The following MXRA7 variants were observed in gnomAD, a reference collection of about 807,000 sequenced individuals.
The protein encoded by MXRA7 is matrix-remodeling-associated protein 7.
A neutral mutation model predicts 17.4 loss-of-function variants in MXRA7; 18 were observed. The ratio of observed to expected loss-of-function variants is 1.03; its 90% confidence interval spans 0.71 to 1.53. MXRA7 has a LOEUF of 1.53. MXRA7 is among the 40% of genes most tolerant of loss of function. The pLI is 0.00. For synonymous variants in MXRA7, 70 were observed against 101.7 expected, an observed-to-expected ratio of 0.69 and a Z score of 1.87; for missense variants, 141 against 209.3, an observed-to-expected ratio of 0.67 and a Z score of 2.01.
At chr17:76,702,699 A>G (rs2076603871) in intron 1 of MXRA7, among the ~76,000 whole-genome samples, 1 of 151,528 alleles carries the variant, frequency 6.6e-6, no homozygotes, top group Non-Finnish European at 1.5e-5. Context: ...TAAAAATACA[A>G]AAATTAGCTG....
intron 2 of MXRA7, among the ~76,000 whole-genome samples, chr17:76,686,294 T>TG (rs1567979948): frequency 3.9e-5 from 6 of 152,000 alleles, no homozygotes; most frequent in African/African-American, 1.5e-4. Context: ...ACCTGGCCAA[T>TG]GTGGCAAAAC....
rs1468466289 is a variant in MXRA7 at position 76,688,514 on chromosome 17, A to G, written c.343-338T>C. ...GGACTCCCACTGCGACGCTGCGGCC[A>G]GCAGACAAAGGGTGCAAGAGGAAAG... On this transcript the variant is annotated intron_variant, in intron 1 of 3. Transcript: ENST00000449428. 4 of 1,312,732 alleles carry G rather than the reference A, an allele frequency of 3.0e-6. No homozygotes were observed. In the East Asian group the frequency reaches 1.2e-4, roughly 39 times the overall value. 81.3% of individuals were successfully genotyped at this position (1,312,732 alleles called of 1,614,324 possible). A position where few individuals can be genotyped will look rare whatever the true frequency, so the allele number is the denominator to read the frequency against.
intron 1 of MXRA7, among the ~76,000 whole-genome samples, chr17:76,696,155 A>T (rs2076531134): frequency 6.6e-6 from 1 of 152,172 alleles, no homozygotes; most frequent in Non-Finnish European, 1.5e-5. Flanking sequence ...AACCACAGAG[A>T]TCATATACAG....
intron 3 of MXRA7, among the ~76,000 whole-genome samples, chr17:76,682,968 G>C (rs945550806): frequency 6.6e-6 from 1 of 152,140 alleles, no homozygotes; most frequent in Non-Finnish European, 1.5e-5. Context: ...GGCAGCAGAG[G>C]GTCTACTCTC....
At chr17:76,688,767 T>C in intron 1 of MXRA7, 10 of 982,310 alleles carry the variant, frequency 1.0e-5, no homozygotes, top group Non-Finnish European at 1.3e-5. Context: ...TGACTTCAGC[T>C]TGCAGGAATG....
At chr17:76,695,435 T>TCTA (rs1567985473) in intron 1 of MXRA7, among the ~76,000 whole-genome samples, 1 of 151,842 alleles carries the variant, frequency 6.6e-6, no homozygotes, top group Non-Finnish European at 1.5e-5. Context: ...AGCTCCATCG[T>TCTA]CTAAGGCTGT....
At chr17:76,687,999 T>TCCCCCCCCCTCC in intron 2 of MXRA7, 114 bp downstream of exon 2, 3 of 801,724 alleles carry the variant, frequency 3.7e-6, no homozygotes, top group South Asian at 1.6e-5. Flanking sequence ...CAGGCCACTG[T>TCCCCCCCCCTCC]CCCACCCCAT....
At chr17:76,687,289 C>A (rs1003451626) in intron 2 of MXRA7, among the ~76,000 whole-genome samples, 13 of 152,390 alleles carry the variant, frequency 8.5e-5, no homozygotes, top group Middle Eastern at 6.8e-3. Flanking sequence ...AAGCTCTGCA[C>A]CCCAGCCCAG....
chr17:76,701,133 G>A (rs2076586616), intron 1 of MXRA7, among the ~76,000 whole-genome samples: 1 of 152,038 alleles, frequency 6.6e-6, no homozygotes, highest in African/African-American at 2.4e-5. Context: ...CTGGTTGCTG[G>A]AAGAGCCTGG....
At chr17:76,682,465 C>T (rs1029217730) in intron 3 of MXRA7, among the ~76,000 whole-genome samples, 33 of 152,040 alleles carry the variant, frequency 2.2e-4, no homozygotes, top group African/African-American at 7.0e-4. Flanking sequence ...GATTCTAGGG[C>T]GGTTCCCTGG....
chr17:76,688,160 A>T lies in MXRA7; in HGVS notation c.359T>A (p.Leu120Ter), dbSNP rs1268331977. The T allele has an allele frequency of 2.5e-6, 4 of 1,614,142 alleles. No homozygotes were observed. The highest frequency in any genetic ancestry group is 8.5e-7 in the Non-Finnish European group (1 of 1,180,008). ...VEARQEEEQD[L>*]DGEKGPSSEG... ...CGATGATGGCCCCTTCTCACCATCC[A>T]AGTCCTGCTCCTCTTCCTGCAAGAC... The change falls in exon 2 of 4, where the codon TTG (leucine) becomes TAG (stop). Residue 120 changes from leucine (L) to a stop codon, truncating the protein, a stop_gained. Coordinates refer to ENST00000449428, the MANE Select transcript of MXRA7 (RefSeq NM_198530.4). LOFTEE classifies it high-confidence loss of function.
intron 1 of MXRA7, chr17:76,688,714 G>A (rs2076440851): frequency 8.2e-7 from 1 of 1,223,574 alleles, no homozygotes; most frequent in African/African-American, 1.6e-5. Context: ...ATAAACAGAT[G>A]ATCAGAGGAA....
rs1255508178 is a variant in MXRA7 at position 76,680,338 on chromosome 17, A to T, written c.*529T>A. ...TATGGCATCTCACCCCCGACAACCA[A>T]GCCAGCCACAGAGAGAAGTGGGGTT... On this transcript the variant is annotated 3_prime_UTR_variant, in exon 4 of 4. Transcript: ENST00000449428. 1.0e-6 allele frequency: 1 copy of T among 985,360 alleles called. No homozygotes were observed. Among genetic ancestry groups the T allele is most frequent in the Admixed American group, 6.2e-5 (1 of 16,256 alleles). 61.0% of individuals were successfully genotyped at this position (985,360 alleles called of 1,614,324 possible).
intron 1 of MXRA7, among the ~76,000 whole-genome samples, chr17:76,698,377 C>G (rs952836558): frequency 7.0e-6 from 1 of 143,254 alleles, no homozygotes; most frequent in African/African-American, 2.5e-5. Context: ...GGGGGAGCAG[C>G]AAAGCCCAGC....
exon 4 of MXRA7, chr17:76,673,350 C>G (rs1222026843): frequency 6.6e-6 from 1 of 152,262 alleles, no homozygotes; most frequent in Admixed American, 6.5e-5. Context: ...GACGTGGATA[C>G]TCCCACATAG....
At chr17:76,706,428 A>G (rs62085152) in intron 1 of MXRA7, among the ~76,000 whole-genome samples, 85,209 of 126,678 alleles carry the variant, frequency 0.67, 34,947 homozygotes, top group Non-Finnish European at 0.88. Context: ...TGCCATCACA[A>G]AGGACCACAC....
intron 1 of MXRA7, among the ~76,000 whole-genome samples, chr17:76,698,371 G>GGCA (rs1219713639): frequency 1.1e-4 from 17 of 151,502 alleles, no homozygotes; most frequent in African/African-American, 4.1e-4. Context: ...GGCGGGGGGG[G>GGCA]AGCAGCAAAG....
chr17:76,684,400 G>C lies in MXRA7; in HGVS notation c.500+672C>G, dbSNP rs1302003126. Among the ~76,000 whole-genome samples the C allele has an allele frequency of 1.3e-5, 2 of 152,146 alleles. 1 individual carries two copies. Among genetic ancestry groups the C allele is most frequent in the African/African-American group, 4.8e-5 (2 of 41,430 alleles). ...GCAGCAGTGTGGGTGAGCACCAGGA[G>C]CCTGCTGCGCCTGGTGCAAAGGACT... On this transcript the variant is annotated intron_variant, in intron 3 of 3. Transcript: ENST00000449428.
chr17:76,686,752 G>T (rs2076402860), intron 2 of MXRA7, among the ~76,000 whole-genome samples: 1 of 152,170 alleles, frequency 6.6e-6, no homozygotes, highest in Non-Finnish European at 1.5e-5. Flanking sequence ...AGTCATTTTA[G>T]CGACACTAAT....
Sources: allele counts gnomAD v4.1 joint callset (sites outside exome capture counted in the v4.1 genomes callset), GRCh38; gene constraint gnomAD v4.1.1; transcripts MANE v1.5; gene names NCBI Gene and HGNC (gene_info 2026-07-23, HGNC 2026-07-21).